Variants in SDK1 observed in about 807,000 individuals in gnomAD.
The protein encoded by SDK1 is sidekick cell adhesion molecule 1.
A neutral mutation model predicts 245.5 loss-of-function variants in SDK1; 157 were observed. The ratio of observed to expected loss-of-function variants is 0.64; its 90% CI spans 0.56 to 0.73. The LOEUF (loss-of-function observed/expected upper bound fraction) is 0.73. Ranked by LOEUF, SDK1 falls within the 30% of genes least tolerant of loss-of-function variation. SDK1 has a pLI of 0.00. For synonymous variants in SDK1, 1,647 were observed against 1,278.5 expected (o/e 1.29, Z -6.15); for missense variants, 3,583 against 3,002.3 (o/e 1.19, Z -4.52).
At chr7:3,499,832 C>G (rs1782141856) in intron 1 of SDK1, among the ~76,000 whole-genome samples, 1 of 152,142 alleles carries the variant, frequency 6.6e-6, no homozygotes, top group Non-Finnish European at 1.5e-5. Context: ...ATAGTCCGAA[C>G]AACTAACAGG....
At chr7:4,103,342 C>A (rs1782696982) in intron 22 of SDK1, among the ~76,000 whole-genome samples, 1 of 152,176 alleles carries the variant, frequency 6.6e-6, no homozygotes, top group South Asian at 2.1e-4. Flanking sequence ...AGAATTCTGC[C>A]TCCCTCTACA....
intron 21 of SDK1, among the ~76,000 whole-genome samples, chr7:4,077,750 A>C (rs1780788836): frequency 6.6e-6 from 1 of 152,170 alleles, no homozygotes; most frequent in Admixed American, 6.5e-5. Context: ...CTTATTCACT[A>C]TCATGAGAAC....
At chr7:3,333,944 T>C (rs772908680) in intron 1 of SDK1, among the ~76,000 whole-genome samples, 3 of 152,196 alleles carry the variant, frequency 2.0e-5, no homozygotes, top group Non-Finnish European at 4.4e-5. Flanking sequence ...TGGCTGTTGC[T>C]GCTCCACTGC....
chr7:3,744,239 C>A (rs955421906), intron 4 of SDK1, among the ~76,000 whole-genome samples: 2 of 152,014 alleles, frequency 1.3e-5, no homozygotes, highest in Non-Finnish European at 2.9e-5. Context: ...TAGCCCCCCT[C>A]CCCCCATCTC....
At chr7:3,917,722 G>A (rs1382615212) in intron 5 of SDK1, among the ~76,000 whole-genome samples, 1 of 152,166 alleles carries the variant, frequency 6.6e-6, no homozygotes, top group Non-Finnish European at 1.5e-5. Flanking sequence ...AGCCCACAAG[G>A]AGGAAAAACT....
chr7:3,392,961 A>ATTTTTTTTTTTTTTTT (rs572782966), intron 1 of SDK1, among the ~76,000 whole-genome samples: 5 of 87,116 alleles, frequency 5.7e-5, no homozygotes, highest in South Asian at 4.6e-4. Flanking sequence ...CCTGTTTTAA[A>ATTTTTTTTTTTTTTTT]TTTTTTTTTT....
At chr7:4,242,064 A>G in intron 43 of SDK1, 151 bp downstream of exon 43, 1 of 863,208 alleles carries the variant, frequency 1.2e-6, no homozygotes, top group Non-Finnish European at 1.8e-6. Flanking sequence ...CCAAACCACC[A>G]GGGGCAGCCC....
intron 1 of SDK1, among the ~76,000 whole-genome samples, chr7:3,371,887 C>G (rs1488488292): frequency 6.6e-6 from 1 of 152,278 alleles, no homozygotes; most frequent in African/African-American, 2.4e-5. Context: ...GAGGTTTCTA[C>G]TTAGATCTAT....
chr7:3,506,450 T>C (rs1041842809), intron 1 of SDK1, among the ~76,000 whole-genome samples: 3 of 152,210 alleles, frequency 2.0e-5, no homozygotes, highest in Admixed American at 6.5e-5. Flanking sequence ...CTTTTGGGTT[T>C]CGTCTTTTAA....
At chr7:3,339,640 TATAA>T (rs767616561) in intron 1 of SDK1, among the ~76,000 whole-genome samples, 5 of 145,976 alleles carry the variant, frequency 3.4e-5, no homozygotes, top group East Asian at 2.0e-4. Flanking sequence ...ATAACACATT[TATAA>T]ATAATTCATA....
chr7:3,363,710 G>C (rs1397051039), intron 1 of SDK1, among the ~76,000 whole-genome samples: 1 of 152,174 alleles, frequency 6.6e-6, no homozygotes, highest in African/African-American at 2.4e-5. Context: ...GTTCACAGTA[G>C]GGTTTGTGCT....
Position 4,015,884 on chromosome 7 carries a change from C to T in SDK1, c.2421-1287C>T, listed in dbSNP as rs115046313. Among the ~76,000 whole-genome samples, 582 of 152,274 alleles carry T rather than the reference C, an allele frequency of 3.8e-3. 4 individuals carry two copies. The highest frequency in any genetic ancestry group is 0.013 in the African/African-American group (556 of 41,568). ...ACAGGCCCCACCAAGTGTACATGGT[C>T]GGCGGCAAGAGGGAACGGGAGAATG... is the stretch of plus-strand genomic sequence containing the variant. On this transcript the variant is annotated intron_variant, in intron 16 of 44. Transcript: ENST00000404826.
In SDK1 at chr7:3,589,349, T is replaced by G. The variant is rs117880938; in HGVS notation, c.299-29731T>G. 3.4e-4 allele frequency among the ~76,000 whole-genome samples: 52 copies of G among 152,324 alleles called. 1 individual carries two copies. The East Asian group carries it at 8.5e-3, about 25-fold the overall frequency. ...CCCAGTTGTCATGGGCCTTTTGACA[T>G]CAGTACTTATTTCACAGGTGGTGTG... On this transcript the variant is annotated intron_variant, in intron 1 of 44. Coordinates refer to ENST00000404826, the MANE Select transcript of SDK1 (RefSeq NM_152744.4).
intron 1 of SDK1, among the ~76,000 whole-genome samples, chr7:3,561,298 T>C (rs911651701): frequency 2.6e-5 from 4 of 152,236 alleles, no homozygotes; most frequent in Non-Finnish European, 5.9e-5. Flanking sequence ...CTTTAGGATA[T>C]TAAGCCAACT....
chr7:3,366,009 A>G (rs1781079889), intron 1 of SDK1, among the ~76,000 whole-genome samples: 1 of 151,220 alleles, frequency 6.6e-6, no homozygotes, highest in Admixed American at 6.6e-5. Context: ...ATTGCACTCC[A>G]GCTTGGGCGA....
intron 14 of SDK1, among the ~76,000 whole-genome samples, chr7:4,001,087 T>C (rs997720021): frequency 6.6e-6 from 1 of 152,168 alleles, no homozygotes; most frequent in African/African-American, 2.4e-5. Flanking sequence ...GCCCAGGCTG[T>C]CCCACAGGAT....
chr7:3,656,719 C>G (rs1328171015), intron 4 of SDK1, among the ~76,000 whole-genome samples: 1 of 151,272 alleles, frequency 6.6e-6, no homozygotes, highest in East Asian at 1.9e-4. Context: ...GGTCTTATCT[C>G]AGGGTGTTTT....
intron 5 of SDK1, among the ~76,000 whole-genome samples, chr7:3,884,067 GTTTGTTTGTTTTTTTGTTTTTTTT>G (rs1781275928): frequency 3.6e-5 from 5 of 137,502 alleles, no homozygotes; most frequent in African/African-American, 8.8e-5. Context: ...TTTGTTTTTT[GTTTGTTTGTTTTTTTGTTTTTTTT>G]TTTTTTTGAG....
chr7:3,619,200 G>C lies in SDK1; in HGVS notation c.419G>C (p.Arg140Pro). The C allele has an allele frequency of 6.2e-7, 1 of 1,613,366 alleles. No individual in the cohort carries two copies. Among genetic ancestry groups the C allele is most frequent in the Non-Finnish European group, 8.5e-7 (1 of 1,179,480 alleles). The change falls in exon 2 of 45, where the codon CGC (arginine) becomes CCC (proline). Residue 140 changes from arginine (R) to proline (P), a missense_variant. By Grantham distance (103) the Arg-to-Pro change is moderately radical. Coordinates refer to ENST00000404826, the MANE Select transcript of SDK1 (RefSeq NM_152744.4). ...TGGCCTTTGGAGTTCAAGTGGATGC[G>C]CGATGACAGTGAGCTCACCACCTAC... ...GSWPLEFKWM[R>P]DDSELTTYSS...
Sources: allele counts gnomAD v4.1 joint callset (sites outside exome capture counted in the v4.1 genomes callset), GRCh38; gene constraint gnomAD v4.1.1; transcripts MANE v1.5; gene names NCBI Gene and HGNC (gene_info 2026-07-23, HGNC 2026-07-21).